The following PTPRN2 variants were observed in gnomAD, a reference collection of about 807,000 sequenced individuals.
PTPRN2 encodes the protein receptor-type tyrosine-protein phosphatase N2.
Under a neutral mutation model 118.8 loss-of-function variants are expected in PTPRN2, and 74 were observed. That is an observed-to-expected ratio of 0.62 (90% CI 0.52 to 0.76). The LOEUF is 0.76. Ranked by LOEUF, PTPRN2 falls within the 30% of genes least tolerant of loss-of-function variation. The probability of loss-of-function intolerance (pLI) is 0.00; values close to 1 mark genes in which losing one functional copy is unlikely to be tolerated. For synonymous variants in PTPRN2, 641 were observed against 608.0 expected (o/e 1.05, Z -0.80); for missense variants, 1,481 against 1,394.4 (o/e 1.06, Z -0.99).
chr7:157,692,378 G>C lies in PTPRN2; in HGVS notation c.1789-9441C>G, dbSNP rs75007459. 5.4e-3 allele frequency among the ~76,000 whole-genome samples: 829 copies of C among 152,330 alleles called. 14 individuals are homozygous for C. Among genetic ancestry groups the C allele is most frequent in the East Asian group, 0.045 (231 of 5,174 alleles). ...TCTGGCGCTGCCCCTAGACCTGCTCGGTGCAGAGGGCCTTGCCTGGCGCTT... is the reference window on the plus strand; with the variant it reads ...TCTGGCGCTGCCCCTAGACCTGCTCCGTGCAGAGGGCCTTGCCTGGCGCTT... On this transcript the variant is annotated intron_variant, in intron 12 of 22. Coordinates refer to ENST00000389418, the MANE Select transcript of PTPRN2 (RefSeq NM_002847.5).
chr7:158,373,219 C>T (rs1810237824), intron 2 of PTPRN2, among the ~76,000 whole-genome samples: 1 of 152,230 alleles, frequency 6.6e-6, no homozygotes, highest in Admixed American at 6.5e-5. Context: ...GCTGCGGAAT[C>T]GCATTATGGA....
chr7:157,982,145 T>TGCAGAGTGCAGGGTCCCCCCC, intron 11 of PTPRN2, among the ~76,000 whole-genome samples: 1 of 80,466 alleles, frequency 1.2e-5, no homozygotes, highest in Non-Finnish European at 2.6e-5. Context: ...GCGTCCCCCA[T>TGCAGAGTGCAGGGTCCCCCCC]AAACCCCGAG....
At chr7:157,940,702 G>GCC (rs151081105) in intron 11 of PTPRN2, among the ~76,000 whole-genome samples, 28 of 60,632 alleles carry the variant, frequency 4.6e-4, no homozygotes, top group South Asian at 1.4e-3. Context: ...CAAATCTAAC[G>GCC]CCCCCCCGTG....
At chr7:158,115,728 C>A (rs1279854069) in intron 9 of PTPRN2, among the ~76,000 whole-genome samples, 11 of 152,076 alleles carry the variant, frequency 7.2e-5, no homozygotes. Context: ...ATTCCTATTG[C>A]TTCTAAGCTG....
chr7:158,584,813 C>A (rs529979041), intron 1 of PTPRN2, among the ~76,000 whole-genome samples: 2 of 152,142 alleles, frequency 1.3e-5, no homozygotes, highest in African/African-American at 4.8e-5. Context: ...ATCAAGAGCT[C>A]CTTCACTGTC....
rs554834430 is a variant in PTPRN2 at position 158,558,491 on chromosome 7, C to A, written c.112+29067G>T. Among the ~76,000 whole-genome samples the A allele has an allele frequency of 3.7e-3, 556 of 152,168 alleles. 6 individuals carry two copies. Among genetic ancestry groups the A allele is most frequent in the African/African-American group, 8.9e-3 (369 of 41,504 alleles). On this transcript the variant is annotated intron_variant, in intron 1 of 22. Transcript: ENST00000389418. ...GTGCTGAGCAGTGAACACTGCCCAG[C>A]TACCAGTTGGTCCCAGGGACATGAA...
chr7:158,125,571 A>C (rs887054545), intron 9 of PTPRN2, among the ~76,000 whole-genome samples: 2 of 152,198 alleles, frequency 1.3e-5, no homozygotes, highest in Non-Finnish European at 2.9e-5. Context: ...TCGGGGCTAT[A>C]ACCCCACACC....
At chr7:158,383,365 G>A (rs1039741056) in intron 2 of PTPRN2, among the ~76,000 whole-genome samples, 2 of 152,164 alleles carry the variant, frequency 1.3e-5, no homozygotes, top group African/African-American at 4.8e-5. Flanking sequence ...GAGCAATCAT[G>A]CACATAATAT....
intron 2 of PTPRN2, among the ~76,000 whole-genome samples, chr7:158,368,564 C>T (rs4909203): frequency 0.9 from 136,229 of 152,210 alleles, 61,574 homozygotes; most frequent in East Asian, 1. Flanking sequence ...GTTCCTGGCC[C>T]GGCCCGCCCG....
chr7:158,046,538 T>C (rs1329116980), intron 11 of PTPRN2, among the ~76,000 whole-genome samples: 1 of 152,218 alleles, frequency 6.6e-6, no homozygotes, highest in Non-Finnish European at 1.5e-5. Context: ...AATCCCGCGA[T>C]TTCTCATGTG....
In PTPRN2 at chr7:158,544,858, A is replaced by T. The variant is rs1213427158; in HGVS notation, c.112+42700T>A. Reference sequence around the variant, plus strand: ...AGCCGCTGCCACCTTCTTCCCTTGCAGTTTTCTGCTAACACTTACACCTGC... The same window carrying T: ...AGCCGCTGCCACCTTCTTCCCTTGCTGTTTTCTGCTAACACTTACACCTGC... On this transcript the variant is annotated intron_variant, in intron 1 of 22. Transcript: ENST00000389418. The surrounding 1 kb of genome is among the most constrained non-coding windows in gnomAD (Gnocchi z 4.2). Among the ~76,000 whole-genome samples, 2 of 152,292 alleles carry T rather than the reference A, an allele frequency of 1.3e-5. No homozygotes were observed. Among genetic ancestry groups the T allele is most frequent in the East Asian group, 3.9e-4 (2 of 5,172 alleles).
intron 2 of PTPRN2, among the ~76,000 whole-genome samples, chr7:158,358,743 C>A (rs1201930109): frequency 6.6e-6 from 1 of 152,222 alleles, no homozygotes; most frequent in Non-Finnish European, 1.5e-5. Flanking sequence ...ACGTGGCCCC[C>A]AGATGGTCAG....
chr7:158,310,741 C>T (rs1484199343), intron 3 of PTPRN2, among the ~76,000 whole-genome samples: 3 of 142,222 alleles, frequency 2.1e-5, no homozygotes, highest in Non-Finnish European at 3.1e-5. Context: ...CCACGGAGGG[C>T]AAGCCCTGAG....
intron 2 of PTPRN2, among the ~76,000 whole-genome samples, chr7:158,415,315 C>A (rs1814563946): frequency 6.6e-6 from 1 of 152,242 alleles, no homozygotes; most frequent in Non-Finnish European, 1.5e-5. Flanking sequence ...AAGAAACCCT[C>A]CTGCTTTCCT....
chr7:158,276,804 G>T (rs1799036739), intron 3 of PTPRN2, among the ~76,000 whole-genome samples: 1 of 152,198 alleles, frequency 6.6e-6, no homozygotes, highest in African/African-American at 2.4e-5. Flanking sequence ...TCAGCTGGCA[G>T]GATATGCCTC....
At chr7:158,137,129 G>C (rs954503108) in intron 7 of PTPRN2, among the ~76,000 whole-genome samples, 8 of 152,150 alleles carry the variant, frequency 5.3e-5, no homozygotes, top group African/African-American at 1.9e-4. Context: ...TCTCTAAATA[G>C]GTACCCCGGC....
In PTPRN2 at chr7:157,831,301, G is replaced by A. The variant is rs143674685; in HGVS notation, c.1788+67372C>T. ...ACCTGTAGCCTCATCCAGCACTGCG[G>A]CCACTCCTCCTCCAGGTGTCCCGCC... is the stretch of plus-strand genomic sequence containing the variant. On this transcript the variant is annotated intron_variant, in intron 12 of 22. Transcript: ENST00000389418. This position sits in a 1 kb window ranked among gnomAD's most constrained non-coding sequence, Gnocchi z 4.8. Among the ~76,000 whole-genome samples the A allele has an allele frequency of 5.3e-5, 8 of 152,274 alleles. No individual in the cohort carries two copies. The East Asian group carries it at 1.4e-3, about 26-fold the overall frequency.
intron 11 of PTPRN2, chr7:158,029,682 G>A (rs1415119391): frequency 1.4e-5 from 2 of 145,876 alleles, no homozygotes; most frequent in South Asian, 2.2e-4. Context: ...GAAATAACAC[G>A]TTCACAGGGG....
intron 3 of PTPRN2, among the ~76,000 whole-genome samples, chr7:158,305,801 A>AAAAAAAAAG (rs1554447989): frequency 2.0e-5 from 3 of 152,132 alleles, no homozygotes; most frequent in African/African-American, 7.2e-5. Flanking sequence ...TCAAAAAAAA[A>AAAAAAAAAG]AAAAAAGAAA....
Sources: allele counts gnomAD v4.1 joint callset (sites outside exome capture counted in the v4.1 genomes callset), GRCh38; gene constraint gnomAD v4.1.1; non-coding constraint Gnocchi (gnomAD v3.1); transcripts MANE v1.5; gene names NCBI Gene and HGNC (gene_info 2026-07-23, HGNC 2026-07-21).